SCN4B: variants seen among roughly 807,000 people sequenced by gnomAD.
SCN4B encodes the protein sodium voltage-gated channel beta subunit 4.
Under a neutral mutation model 19.6 loss-of-function variants are expected in SCN4B, and 20 were observed. The ratio of observed to expected loss-of-function variants is 1.02; its 90% CI spans 0.72 to 1.48. The LOEUF (loss-of-function observed/expected upper bound fraction) is 1.48, where lower values mean the gene tolerates loss of function less well. Among genes scored for constraint, SCN4B ranks in the 40% most tolerant of loss-of-function variants. SCN4B has a pLI of 0.00. For synonymous variants in SCN4B, 127 were observed against 122.8 expected (o/e 1.03, Z -0.22); for missense variants, 271 against 287.5 (o/e 0.94, Z 0.42).
At chr11:118,141,153 A>G in intron 4 of SCN4B, 54 bp downstream of exon 4, 1 of 1,609,962 alleles carries the variant, frequency 6.2e-7, no homozygotes, top group African/African-American at 1.3e-5. Context: ...GTGGGGGTAG[A>G]TGAGAGGGTG....
rs766837716 is a variant in SCN4B, at chr11:118,145,048, A to G, written c.234+9T>C. ...GCTGGGCTGTACTGTTCTTCCTCCAAATACTTACAATCTTGAATGCGTCAC... is the reference window on the plus strand; with the variant it reads ...GCTGGGCTGTACTGTTCTTCCTCCAGATACTTACAATCTTGAATGCGTCAC... On this transcript the variant is annotated intron_variant, in intron 2 of 4. Coordinates refer to ENST00000324727, the MANE Select transcript of SCN4B (RefSeq NM_174934.4). 6.2e-7 allele frequency: 1 copy of G among 1,613,856 alleles called. No homozygotes were observed. Among genetic ancestry groups the G allele is most frequent in the Non-Finnish European group, 8.5e-7 (1 of 1,179,810 alleles).
At chr11:118,144,577 T>C (rs1341954280) in intron 2 of SCN4B, among the ~76,000 whole-genome samples, 1 of 152,138 alleles carries the variant, frequency 6.6e-6, no homozygotes, top group Non-Finnish European at 1.5e-5. Context: ...CACTAGATTG[T>C]AGAGTGAGTA....
chr11:118,152,596 A>G lies in SCN4B; in HGVS notation c.61+17T>C. ...TGGGGGGAGGCAAGAGAAGAGACCA[A>G]GCTGGGGCTGCCTTACCCAAAAGCC... is the stretch of plus-strand genomic sequence containing the variant. On this transcript the variant is annotated intron_variant, in intron 1 of 4. Coordinates refer to ENST00000324727, the MANE Select transcript of SCN4B (RefSeq NM_174934.4). The G allele has an allele frequency of 6.2e-7, 1 of 1,610,300 alleles. No homozygotes were observed. The highest frequency in any genetic ancestry group is 8.5e-7 in the Non-Finnish European group (1 of 1,177,286).
chr11:118,135,412 C>T lies in SCN4B; in HGVS notation c.*1615G>A. 2.2e-6 allele frequency: 1 copy of T among 454,110 alleles called. No homozygotes were observed. The highest frequency in any genetic ancestry group is 4.4e-6 in the Non-Finnish European group (1 of 226,782). 28.1% of individuals were successfully genotyped at this position (454,110 alleles called of 1,614,324 possible). A position where few individuals can be genotyped will look rare whatever the true frequency, so the allele number is the denominator to read the frequency against. On this transcript the variant is annotated 3_prime_UTR_variant, in exon 5 of 5. Transcript: ENST00000324727. ...AAAGGGGGCTACTCCTCTCTCATCC[C>T]TCCTAGGGGCCCAGAAGACAGGGCA...
rs766890974 is a variant in SCN4B, at chr11:118,143,919, G to A, written c.377C>T (p.Thr126Met). The A allele has an allele frequency of 5.0e-6, 8 of 1,613,906 alleles. No homozygotes were observed. Among genetic ancestry groups the A allele is most frequent in the African/African-American group, 4.0e-5 (3 of 74,910 alleles). Reference protein sequence around the residue: ...IVLRDLEFSDTGKYTCHVKNP... With the variant: ...IVLRDLEFSDMGKYTCHVKNP... ...CTTCACATGGCAGGTGTATTTGCCC[G>A]TGTCGCTGAACTCCAGGTCCCTCAG... is the stretch of plus-strand genomic sequence containing the variant. The change falls in exon 3 of 5, where the codon ACG becomes ATG. Residue 126 changes from threonine (T) to methionine (M), a missense_variant. Coordinates refer to ENST00000324727, the MANE Select transcript of SCN4B (RefSeq NM_174934.4).
chr11:118,145,470 G>A (rs752583656), intron 1 of SCN4B: 7 of 1,436,730 alleles, frequency 4.9e-6, no homozygotes, highest in African/African-American at 4.2e-5. Flanking sequence ...GTTGCGCTCT[G>A]GATGACCACC....
At chr11:118,152,018 G>A (rs1176526125) in intron 1 of SCN4B, among the ~76,000 whole-genome samples, 3 of 152,164 alleles carry the variant, frequency 2.0e-5, no homozygotes, top group African/African-American at 7.2e-5. Context: ...TTCCTAAAGG[G>A]CCTTGAATGA....
intron 1 of SCN4B, among the ~76,000 whole-genome samples, chr11:118,150,637 C>A (rs1297260742): frequency 6.6e-6 from 1 of 152,228 alleles, no homozygotes; most frequent in African/African-American, 2.4e-5. Context: ...AGTCACCATC[C>A]CTCTCTGGAC....
intron 1 of SCN4B, among the ~76,000 whole-genome samples, chr11:118,147,765 C>T (rs1036212484): frequency 2.0e-5 from 3 of 152,190 alleles, no homozygotes; most frequent in African/African-American, 7.2e-5. Flanking sequence ...AAGGCAGCTT[C>T]CTGATAGCTA....
In SCN4B at chr11:118,135,736, G is replaced by C. The variant is rs1280331975; in HGVS notation, c.*1291C>G. The C allele has an allele frequency of 1.1e-5, 5 of 454,370 alleles. No homozygotes were observed. Among genetic ancestry groups the C allele is most frequent in the African/African-American group, 1.0e-4 (5 of 49,968 alleles). The allele number at this position is 454,370 out of a possible 1,614,324, so 28.1% of individuals were successfully genotyped here. ...ACACCAGACTCTGCTGTTATGTCAG[G>C]ACATACCGTCTAGAGAGGATGGGGG... On this transcript the variant is annotated 3_prime_UTR_variant, in exon 5 of 5. Transcript: ENST00000324727.
At position 118,137,140 on chromosome 11, in the gene SCN4B, G is replaced by A; in HGVS notation, c.594-20C>T. On this transcript the variant is annotated intron_variant, in intron 4 of 4. Coordinates refer to ENST00000324727, the MANE Select transcript of SCN4B (RefSeq NM_174934.4). Reference sequence around the variant, plus strand: ...TCCTTCCTGGAGAGGGAGAGAGAAGGGACAGTGGTGAGGAGAGGAGCAAGA... The same window carrying A: ...TCCTTCCTGGAGAGGGAGAGAGAAGAGACAGTGGTGAGGAGAGGAGCAAGA... 1 of 1,568,060 alleles carries A rather than the reference G, an allele frequency of 6.4e-7. No individual in the cohort carries two copies. Among genetic ancestry groups the A allele is most frequent in the Non-Finnish European group, 8.8e-7 (1 of 1,138,098 alleles).
At chr11:118,138,118 G>A (rs1948044594) in intron 4 of SCN4B, among the ~76,000 whole-genome samples, 1 of 151,996 alleles carries the variant, frequency 6.6e-6, no homozygotes, top group Non-Finnish European at 1.5e-5. Flanking sequence ...GCCCAGGCTG[G>A]GCACACAGAA....
chr11:118,150,763 C>T (rs1024659053), intron 1 of SCN4B, among the ~76,000 whole-genome samples: 1 of 152,204 alleles, frequency 6.6e-6, no homozygotes, highest in Non-Finnish European at 1.5e-5. Context: ...GTATCTCCCC[C>T]ACTGGACTGA....
rs766335360 is a variant in SCN4B at position 118,136,248 on chromosome 11, T to C, written c.*779A>G. 1 of 453,302 alleles carries C rather than the reference T, an allele frequency of 2.2e-6. No homozygotes were observed. Among genetic ancestry groups the C allele is most frequent in the Non-Finnish European group, 4.4e-6 (1 of 226,564 alleles). 28.1% of individuals were successfully genotyped at this position (453,302 alleles called of 1,614,324 possible). A position where few individuals can be genotyped will look rare whatever the true frequency, so the allele number is the denominator to read the frequency against. On this transcript the variant is annotated 3_prime_UTR_variant, in exon 5 of 5. Transcript: ENST00000324727. ...TACCTCTGTGGCCCAATTCCCCAAG[T>C]AGAAATGCTTGGAAAGGCATAGGGA...
At chr11:118,144,162 T>C (rs1224870177) in intron 2 of SCN4B, 101 bp from the exon 3 acceptor site, 6 of 795,528 alleles carry the variant, frequency 7.5e-6, no homozygotes, top group African/African-American at 6.7e-5. Flanking sequence ...ATGCCTCCCC[T>C]GTCCAGGACC....
chr11:118,150,816 C>T (rs1323172635), intron 1 of SCN4B, among the ~76,000 whole-genome samples: 1 of 152,136 alleles, frequency 6.6e-6, no homozygotes, highest in African/African-American at 2.4e-5. Context: ...GACCAATGCC[C>T]CTGTGAGGGC....
At position 118,143,859 on chromosome 11, in the gene SCN4B, G is replaced by C. The variant is rs2135503818; in HGVS notation, c.437C>G (p.Thr146Ser). 6.2e-7 allele frequency: 1 copy of C among 1,612,786 alleles called. No individual in the cohort carries two copies. Residue 146 changes from threonine to serine, a missense_variant, in exon 3 of 5, where the codon ACC becomes AGC. Physicochemically the swap from Thr to Ser is moderately conservative, Grantham distance 58. Transcript: ENST00000324727. ...TCTATCAACGACTTGGAGGAAGATG[G>C]TGGCGTGGTGCTGGAGATTATTCTC... ...PKENNLQHHA[T>S]IFLQVVDRLE...
Position 118,135,624 on chromosome 11 carries a change from C to G in SCN4B, c.*1403G>C. The G allele has an allele frequency of 2.2e-6, 1 of 454,234 alleles. No individual in the cohort carries two copies. Among genetic ancestry groups the G allele is most frequent in the South Asian group, 1.6e-5 (1 of 64,474 alleles). The allele number at this position is 454,234 out of a possible 1,614,324, so 28.1% of individuals were successfully genotyped here. A position where few individuals can be genotyped will look rare whatever the true frequency, so the allele number is the denominator to read the frequency against. The stretch of plus-strand genomic sequence containing the variant: ...CAATGGGAGCACCTGGCCGACATCT[C>G]CAAGATTCAGTCACTGGCCAATTCC... On this transcript the variant is annotated 3_prime_UTR_variant, in exon 5 of 5. Coordinates refer to ENST00000324727, the MANE Select transcript of SCN4B (RefSeq NM_174934.4).
rs200395188 is a variant in SCN4B at position 118,141,383 on chromosome 11, G to A, written c.464-47C>T. 447 of 1,611,328 alleles carry A rather than the reference G, an allele frequency of 2.8e-4. 2 individuals are homozygous for A. Among genetic ancestry groups the A allele is most frequent in the Non-Finnish European group, 3.7e-4 (435 of 1,179,682 alleles). On this transcript the variant is annotated intron_variant, in intron 3 of 4. Coordinates refer to ENST00000324727, the MANE Select transcript of SCN4B (RefSeq NM_174934.4). ...GAAAGGGAAGGCACAAAGGGAGCAA[G>A]AGTCAACCTGGAGCCGAGAACTGTG...
Sources: allele counts gnomAD v4.1 joint callset (sites outside exome capture counted in the v4.1 genomes callset), GRCh38; gene constraint gnomAD v4.1.1; transcripts MANE v1.5; gene names NCBI Gene and HGNC (gene_info 2026-07-23, HGNC 2026-07-21).